The following ARHGAP28 variants were observed in gnomAD, a reference collection of about 807,000 sequenced individuals.
The protein encoded by ARHGAP28 is rho GTPase-activating protein 28.
In ARHGAP28, 56 loss-of-function variants were observed where a neutral mutation model predicts 90.7. That is an observed-to-expected ratio of 0.62 (90% CI 0.50 to 0.77). ARHGAP28 has a LOEUF of 0.77. ARHGAP28 is among the 30% of genes least tolerant of loss of function. The pLI is 0.00. For missense variants in ARHGAP28, 869 were observed against 900.9 expected, an observed-to-expected ratio of 0.96 and a Z score of 0.45; for synonymous variants, 308 against 323.3, an observed-to-expected ratio of 0.95 and a Z score of 0.51.
chr18:6,839,545 C>T (rs1318661005), intron 3 of ARHGAP28, among the ~76,000 whole-genome samples: 3 of 152,174 alleles, frequency 2.0e-5, no homozygotes, highest in African/African-American at 7.2e-5. Flanking sequence ...GATCCGCCTG[C>T]CTCGGCCTCC....
chr18:6,801,864 T>G (rs2056484541), intron 1 of ARHGAP28, among the ~76,000 whole-genome samples: 1 of 152,160 alleles, frequency 6.6e-6, no homozygotes, highest in Admixed American at 6.5e-5. Context: ...CTAGATCTTA[T>G]TTCCTCTATC....
rs1448496695 is a variant in ARHGAP28, at chr18:6,759,342, G to T, written c.122+29399G>T. ...ATAAGGAAATTCTGCTTTTCACTTA[G>T]AACATTCTATGATCAATAAACGCCT... On this transcript the variant is annotated intron_variant, in intron 1 of 17. Coordinates refer to ENST00000383472, the MANE Select transcript of ARHGAP28 (RefSeq NM_001366230.1). 4.6e-5 allele frequency among the ~76,000 whole-genome samples: 7 copies of T among 152,086 alleles called. No individual in the cohort carries two copies. In the East Asian group the frequency reaches 1.2e-3, roughly 25 times the overall value.
At chr18:6,869,223 AG>A (rs111547173) in intron 6 of ARHGAP28, among the ~76,000 whole-genome samples, 73 of 150,096 alleles carry the variant, frequency 4.9e-4, no homozygotes, top group African/African-American at 1.8e-3. Flanking sequence ...CTGTATAACA[AG>A]GGAGCATCAT....
In ARHGAP28 at chr18:6,807,210, C is replaced by T. The variant is rs190793522; in HGVS notation, c.123-17552C>T. ...TGTTTTCTTAAGATGTCAGTATTTT[C>T]GCTGGCTTCTTAAACATGCAGAATA... On this transcript the variant is annotated intron_variant, in intron 1 of 17. Transcript: ENST00000383472. 1.8e-3 allele frequency among the ~76,000 whole-genome samples: 267 copies of T among 152,126 alleles called. 6 individuals carry two copies. The highest frequency in any genetic ancestry group is 0.014 in the Admixed American group (211 of 15,274).
chr18:6,808,390 A>G (rs747076053), intron 1 of ARHGAP28, among the ~76,000 whole-genome samples: 3 of 151,966 alleles, frequency 2.0e-5, no homozygotes, highest in Non-Finnish European at 4.4e-5. Flanking sequence ...TGCTAACTCC[A>G]TCATCTCTGT....
At chr18:6,782,590 G>GTATT (rs2056332846) in intron 1 of ARHGAP28, among the ~76,000 whole-genome samples, 1 of 20,924 alleles carries the variant, frequency 4.8e-5, no homozygotes, top group Admixed American at 6.7e-4. Context: ...GCTAATTTTT[G>GTATT]TATTTTTTTT....
intron 1 of ARHGAP28, among the ~76,000 whole-genome samples, chr18:6,732,651 C>T (rs2055892521): frequency 6.6e-6 from 1 of 152,188 alleles, no homozygotes; most frequent in South Asian, 2.1e-4. Context: ...TCTTTTAGGG[C>T]TGCTCATTTT....
chr18:6,882,056 TATA>T, intron 10 of ARHGAP28, 78 bp from the exon 11 acceptor site: 1 of 1,379,258 alleles, frequency 7.3e-7, no homozygotes, highest in East Asian at 2.3e-5. Flanking sequence ...AAACAGTTTA[TATA>T]AGAACAGTTT....
chr18:6,839,485 G>A (rs998193998), intron 3 of ARHGAP28, among the ~76,000 whole-genome samples: 1 of 152,086 alleles, frequency 6.6e-6, no homozygotes. Context: ...TTGTAGTAGA[G>A]ACAGGGTTTC....
chr18:6,864,418 T>G (rs2057022350), intron 5 of ARHGAP28, among the ~76,000 whole-genome samples: 1 of 152,210 alleles, frequency 6.6e-6, no homozygotes, highest in African/African-American at 2.4e-5. Flanking sequence ...CTATCCCAAT[T>G]TGTATGAATT....
chr18:6,873,878 A>T (rs527774237), intron 9 of ARHGAP28, 103 bp downstream of exon 9: 1 of 1,007,648 alleles, frequency 9.9e-7, no homozygotes. Flanking sequence ...TAAAGACACT[A>T]TCGCCCTATT....
intron 2 of ARHGAP28, among the ~76,000 whole-genome samples, chr18:6,832,645 T>C (rs1395739190): frequency 6.6e-6 from 1 of 152,066 alleles, no homozygotes; most frequent in Non-Finnish European, 1.5e-5. Context: ...TCATTATAAA[T>C]GAGCTTCCTC....
Position 6,898,631 on chromosome 18 carries a change from T to A in ARHGAP28, c.2030+2005T>A. On this transcript the variant is annotated intron_variant, in intron 16 of 17. Transcript: ENST00000383472. ...AGGGATTTGGGTATCCAGTAGACTT[T>A]TAGTTACATATACTACAAAACTGAC... The A allele has an allele frequency of 1.9e-6, 3 of 1,555,278 alleles. 1 individual carries two copies. The South Asian group carries it at 3.8e-5, about 19-fold the overall frequency.
intron 2 of ARHGAP28, among the ~76,000 whole-genome samples, chr18:6,828,724 T>TG (rs2056693997): frequency 6.6e-6 from 1 of 151,956 alleles, no homozygotes; most frequent in South Asian, 2.1e-4. Context: ...GATGGAAGAG[T>TG]GGGGAATAAG....
chr18:6,806,084 G>A (rs201355259), intron 1 of ARHGAP28, among the ~76,000 whole-genome samples: 1 of 151,662 alleles, frequency 6.6e-6, no homozygotes, highest in East Asian at 1.9e-4. Flanking sequence ...AGTTGAGGCG[G>A]AGTTTCACCA....
At chr18:6,831,351 C>G (rs56205549) in intron 2 of ARHGAP28, among the ~76,000 whole-genome samples, 18,821 of 151,744 alleles carry the variant, frequency 0.12, 1,289 homozygotes, top group Non-Finnish European at 0.14. Flanking sequence ...CAGATATTTT[C>G]TCACTGCTTG....
intron 10 of ARHGAP28, among the ~76,000 whole-genome samples, chr18:6,878,086 C>T (rs1322995859): frequency 1.3e-5 from 2 of 151,880 alleles, no homozygotes; most frequent in African/African-American, 4.8e-5. Flanking sequence ...AAGGAGAAAA[C>T]ATTACAGAGC....
At chr18:6,863,352 T>A (rs1474723585) in intron 5 of ARHGAP28, among the ~76,000 whole-genome samples, 3 of 151,898 alleles carry the variant, frequency 2.0e-5, no homozygotes, top group Non-Finnish European at 4.4e-5. Flanking sequence ...TTTCCTTCTT[T>A]AATCAATTAC....
intron 1 of ARHGAP28, among the ~76,000 whole-genome samples, chr18:6,816,513 GTCCACAC>G (rs2056591672): frequency 6.6e-6 from 1 of 152,142 alleles, no homozygotes; most frequent in African/African-American, 2.4e-5. Flanking sequence ...TTCTCTAGAT[GTCCACAC>G]TGTGCTGCCA....
Sources: gnomAD v4.1 joint callset for allele counts (sites outside exome capture counted in the v4.1 genomes callset) on GRCh38, gnomAD v4.1.1 for gene constraint, MANE v1.5 for transcripts, NCBI Gene and HGNC (gene_info 2026-07-23, HGNC 2026-07-21) for gene names.